Variants in KCTD4 observed in about 807,000 individuals in gnomAD.
The protein encoded by KCTD4 is BTB/POZ domain-containing protein KCTD4.
In KCTD4, 12 loss-of-function variants were observed where a neutral mutation model predicts 18.3. The observed-to-expected ratio is 0.66, with a 90% CI of 0.42 to 1.06. The LOEUF is 1.06. KCTD4 is among the 50% of genes least tolerant of loss of function. The pLI is 0.00. For missense variants in KCTD4, 250 were observed against 303.4 expected, an observed-to-expected ratio of 0.82 and a Z score of 1.31; for synonymous variants, 124 against 110.5, an observed-to-expected ratio of 1.12 and a Z score of -0.76.
At position 45,193,749 on chromosome 13, in the gene KCTD4, TG is replaced by T. The variant is rs747097419; in HGVS notation, c.*38del. On this transcript the variant is annotated 3_prime_UTR_variant, in exon 2 of 2. Coordinates refer to ENST00000379108, the MANE Select transcript of KCTD4 (RefSeq NM_198404.3). ...GATGCTGTGGTTTTCCGAAGCTTGC[TG>T]GCTGCATGCTTGTTGCCTTTGTTCG... The T allele has an allele frequency of 3.3e-6, 5 of 1,532,374 alleles. No individual in the cohort carries two copies. In the East Asian group the frequency reaches 9.0e-5, roughly 28 times the overall value. The allele number at this position is 1,532,374 out of a possible 1,614,324, so 94.9% of individuals were successfully genotyped here.
In KCTD4 at chr13:45,194,745, C is replaced by T. The variant is rs1169909819; in HGVS notation, c.-178G>A. ...TAGGTGGCGTATCAGCCTATGTATG[C>T]AGGAGCTTTCTGGAGTAAGACGGAA... is the stretch of plus-strand genomic sequence containing the variant. On this transcript the variant is annotated 5_prime_UTR_variant, in exon 2 of 2. Coordinates refer to ENST00000379108, the MANE Select transcript of KCTD4 (RefSeq NM_198404.3). The T allele has an allele frequency of 1.6e-6, 1 of 609,088 alleles. No individual in the cohort carries two copies. 37.7% of individuals were successfully genotyped at this position (609,088 alleles called of 1,614,324 possible). A position where few individuals can be genotyped will look rare whatever the true frequency, so the allele number is the denominator to read the frequency against.
Position 45,199,238 on chromosome 13 carries a change from T to G in KCTD4, c.-188+1586A>C, listed in dbSNP as rs190478713. On this transcript the variant is annotated intron_variant, in intron 1 of 1. Coordinates refer to ENST00000379108, the MANE Select transcript of KCTD4 (RefSeq NM_198404.3). ...CGTCTTCAAGGAAGCCCAGGAAAAT[T>G]GCCTACATTGGTAAATGTTTTAGCT... Among the ~76,000 whole-genome samples the G allele has an allele frequency of 2.2e-4, 33 of 152,352 alleles. No homozygotes were observed. The East Asian group carries it at 5.6e-3, about 26-fold the overall frequency.
At position 45,194,369 on chromosome 13, in the gene KCTD4, T is replaced by C; in HGVS notation, c.199A>G (p.Ile67Val). Reference sequence around the variant, plus strand: ...CCATCAGCATCAAACGGGCAGAGGATTTTTCCATTTACTATACCTTCAAGG... The same window carrying C: ...CCATCAGCATCAAACGGGCAGAGGACTTTTCCATTTACTATACCTTCAAGG... ...TFLEGIVNGKILCPFDADGHY... is the reference protein window; with the variant it reads ...TFLEGIVNGKVLCPFDADGHY... Residue 67 changes from isoleucine to valine, a missense_variant, in exon 2 of 2, where the codon ATC becomes GTC. Transcript: ENST00000379108. 1.2e-6 allele frequency: 2 copies of C among 1,614,116 alleles called. No homozygotes were observed. The highest frequency in any genetic ancestry group is 1.7e-6 in the Non-Finnish European group (2 of 1,179,984).
Position 45,194,516 on chromosome 13 carries a change from G to A in KCTD4, c.52C>T (p.His18Tyr). 6.2e-7 allele frequency: 1 copy of A among 1,614,066 alleles called. No homozygotes were observed. Among genetic ancestry groups the A allele is most frequent in the Non-Finnish European group, 8.5e-7 (1 of 1,179,976 alleles). Residue 18 changes from histidine to tyrosine, a missense_variant, in exon 2 of 2, where the codon CAC becomes TAC. Coordinates refer to ENST00000379108, the MANE Select transcript of KCTD4 (RefSeq NM_198404.3). Reference protein sequence around the residue: ...REKEKEYEGKHNSLEDTDQGK... With the variant: ...REKEKEYEGKYNSLEDTDQGK... ...TGATCAGTATCTTCCAGGCTGTTGT[G>A]TTTCCCTTCATACTCCTTTTCTTTT...
chr13:45,200,877 G>A lies in KCTD4; in HGVS notation c.-241C>T, dbSNP rs903154988. ...TCTTTTCCCAGAGAGTGTCGACACA[G>A]GTGTGATGTAATTAAGAGTCAGGAG... On this transcript the variant is annotated 5_prime_UTR_variant, in exon 1 of 2. Coordinates refer to ENST00000379108, the MANE Select transcript of KCTD4 (RefSeq NM_198404.3). Among the ~76,000 whole-genome samples, 1 of 152,172 alleles carries A rather than the reference G, an allele frequency of 6.6e-6. No homozygotes were observed. Among genetic ancestry groups the A allele is most frequent in the African/African-American group, 2.4e-5 (1 of 41,430 alleles).
chr13:45,195,011 G>T (rs1872821638), intron 1 of KCTD4, among the ~76,000 whole-genome samples: 1 of 152,176 alleles, frequency 6.6e-6, no homozygotes, highest in South Asian at 2.1e-4. Flanking sequence ...GGAAAATAAT[G>T]TATATTGATT....
Position 45,194,308 on chromosome 13 carries a change from C to G in KCTD4, c.260G>C (p.Arg87Thr), listed in dbSNP as rs1452442204. ...YFIDRDGLLF[R>T]HVLNFLRNGE... The stretch of plus-strand genomic sequence containing the variant: ...ATTTCGTAGGAAGTTTAGGACATGC[C>G]TGAAGAGGAGACCATCCCTGTCTAT... The change falls in exon 2 of 2, where the codon AGG (arginine) becomes ACG (threonine). Residue 87 changes from arginine to threonine, a missense_variant. By Grantham distance (71) the Arg-to-Thr change is moderately conservative. Transcript: ENST00000379108. The G allele has an allele frequency of 6.2e-7, 1 of 1,614,144 alleles. No homozygotes were observed. Among genetic ancestry groups the G allele is most frequent in the South Asian group, 1.1e-5 (1 of 91,074 alleles).
In KCTD4 at chr13:45,194,124, G is replaced by A. The variant is rs747047179; in HGVS notation, c.444C>T (p.Asn148=). 1 of 1,614,002 alleles carries A rather than the reference G, an allele frequency of 6.2e-7. No individual in the cohort carries two copies. The change falls in exon 2 of 2, where the codon AAC becomes AAT. Residue 148 remains asparagine (N), a synonymous_variant. Coordinates refer to ENST00000379108, the MANE Select transcript of KCTD4 (RefSeq NM_198404.3). The part of the protein sequence containing the change: ...RETTFLEITD[N]HDRSQGLRIF... ...TTCTTAATCCTTGTGAACGATCGTG[G>A]TTATCTGTTATTTCCAAGAAAGTAG... is the stretch of plus-strand genomic sequence containing the variant.
At position 45,193,974 on chromosome 13, in the gene KCTD4, G is replaced by T; in HGVS notation, c.594C>A (p.Tyr198Ter). 1 of 1,614,044 alleles carries T rather than the reference G, an allele frequency of 6.2e-7. No homozygotes were observed. Among genetic ancestry groups the T allele is most frequent in the Non-Finnish European group, 8.5e-7 (1 of 1,179,940 alleles). ...GAGTGCCATTTTCAGACTTTATGAA[G>T]TATTTAAATTGGATGATATTTGACG... Reference protein sequence around the residue: ...SISSNIIQFKYFIKSENGTRL... With the variant: ...SISSNIIQFK The change falls in exon 2 of 2, where the codon TAC becomes TAA. Residue 198 changes from tyrosine to a stop codon, truncating the protein, a stop_gained. Transcript: ENST00000379108. LOFTEE classifies it high-confidence loss of function.
chr13:45,193,915 C>T lies in KCTD4; in HGVS notation c.653G>A (p.Cys218Tyr), dbSNP rs1371916749. The change falls in exon 2 of 2, where the codon TGT becomes TAT. Residue 218 changes from cysteine (C) to tyrosine (Y), a missense_variant. Transcript: ENST00000379108. ...LVLKEDNTFV[C>Y]TLETLKFEAI... ...CTCAAACTTAAGAGTTTCCAAGGTA[C>T]AGACAAAGGTGTTGTCTTCCTTTAG... is the stretch of plus-strand genomic sequence containing the variant. 1 of 1,614,016 alleles carries T rather than the reference C, an allele frequency of 6.2e-7. No individual in the cohort carries two copies. The highest frequency in any genetic ancestry group is 8.5e-7 in the Non-Finnish European group (1 of 1,179,994).
chr13:45,195,426 T>A (rs1389326547), intron 1 of KCTD4, among the ~76,000 whole-genome samples: 1 of 152,194 alleles, frequency 6.6e-6, no homozygotes, highest in Non-Finnish European at 1.5e-5. Flanking sequence ...TAGAAAATAC[T>A]GTGACTGTGT....
intron 1 of KCTD4, among the ~76,000 whole-genome samples, 96 bp downstream of exon 1, chr13:45,200,728 C>T (rs1873140598): frequency 6.6e-6 from 1 of 152,174 alleles, no homozygotes; most frequent in Non-Finnish European, 1.5e-5. Context: ...GACCTCAACT[C>T]AGAACCACAG....
Position 45,193,812 on chromosome 13 carries a change from G to A in KCTD4, c.756C>T (p.Ser252=), listed in dbSNP as rs773222427. The A allele has an allele frequency of 6.9e-6, 11 of 1,603,522 alleles. No homozygotes were observed. Among genetic ancestry groups the A allele is most frequent in the Middle Eastern group, 3.3e-4 (2 of 5,992 alleles). The change falls in exon 2 of 2, where the codon AGC becomes AGT. Residue 252 remains serine, a synonymous_variant. Transcript: ENST00000379108. ...ATTACTTGATAAAATGAAGTGCATC[G>A]CTGTGAACAATTGACCCTTTGGAAC... ...LDCSKGSIVH[S]DALHFIK is the part of the protein sequence containing the mutation.
At chr13:45,196,949 C>G (rs1872924911) in intron 1 of KCTD4, among the ~76,000 whole-genome samples, 1 of 152,048 alleles carries the variant, frequency 6.6e-6, no homozygotes. Flanking sequence ...GTTTTCAAAA[C>G]CACTGATGAG....
chr13:45,194,819 G>C (rs1872811236), intron 1 of KCTD4, 65 bp from the exon 2 acceptor site: 3 of 480,624 alleles, frequency 6.2e-6, no homozygotes, highest in Non-Finnish European at 1.1e-5. Context: ...GTTGTGAAAG[G>C]ATTTTCATGT....
At chr13:45,200,455 C>T (rs1214366304) in intron 1 of KCTD4, among the ~76,000 whole-genome samples, 1 of 152,092 alleles carries the variant, frequency 6.6e-6, no homozygotes, top group Non-Finnish European at 1.5e-5. Context: ...CACAGGCATA[C>T]CCCACCATAC....
chr13:45,197,423 C>T (rs1364125463), intron 1 of KCTD4, among the ~76,000 whole-genome samples: 4 of 150,230 alleles, frequency 2.7e-5, no homozygotes, highest in Non-Finnish European at 5.9e-5. Context: ...GCAGGAGAAT[C>T]GCCTGAGCCC....
intron 1 of KCTD4, among the ~76,000 whole-genome samples, chr13:45,198,669 A>G: frequency 6.6e-6 from 1 of 152,212 alleles, no homozygotes; most frequent in South Asian, 2.1e-4. Flanking sequence ...TAAATCTGAC[A>G]GTATATCTCT....
At position 45,193,969 on chromosome 13, in the gene KCTD4, A is replaced by G. The variant is rs769543508; in HGVS notation, c.599T>C (p.Ile200Thr). ...AAGTCGAGTGCCATTTTCAGACTTT[A>G]TGAAGTATTTAAATTGGATGATATT... The part of the protein sequence containing the change: ...SSNIIQFKYF[I>T]KSENGTRLVL... Residue 200 changes from isoleucine (I) to threonine (T), a missense_variant, in exon 2 of 2, where the codon ATA (isoleucine) becomes ACA (threonine). Coordinates refer to ENST00000379108, the MANE Select transcript of KCTD4 (RefSeq NM_198404.3). 1.9e-6 allele frequency: 3 copies of G among 1,614,116 alleles called. No homozygotes were observed. The South Asian group carries it at 3.3e-5, about 18-fold the overall frequency.
Sources: gnomAD v4.1 joint callset for allele counts (sites outside exome capture counted in the v4.1 genomes callset) on GRCh38, gnomAD v4.1.1 for gene constraint, MANE v1.5 for transcripts, NCBI Gene and HGNC (gene_info 2026-07-23, HGNC 2026-07-21) for gene names.